PRIM2: variants seen among roughly 807,000 people sequenced by gnomAD.
PRIM2 encodes the protein DNA primase subunit 2.
PRIM2 carries 39 observed loss-of-function variants against 67.3 expected under a neutral mutation model. That is an observed-to-expected ratio of 0.58 (90% CI 0.45 to 0.76). The LOEUF (loss-of-function observed/expected upper bound fraction) is 0.76. Among genes scored for constraint, PRIM2 ranks in the 30% least tolerant of loss-of-function variants. The probability of loss-of-function intolerance (pLI) is 0.00; values close to 1 mark genes in which losing one functional copy is unlikely to be tolerated. For missense variants in PRIM2, 398 were observed against 598.7 expected (o/e 0.66, Z 3.50); for synonymous variants, 143 against 198.7 (o/e 0.72, Z 2.36).
intron 7 of PRIM2, among the ~76,000 whole-genome samples, chr6:57,452,592 G>T (rs1415085400): frequency 0.033 from 5,045 of 152,282 alleles, 281 homozygotes; most frequent in African/African-American, 0.11. Flanking sequence ...CTTTTGAGAA[G>T]TGTCTGTTTA....
At chr6:57,393,568 G>T (rs1370175632) in intron 7 of PRIM2, among the ~76,000 whole-genome samples, 1 of 152,210 alleles carries the variant, frequency 6.6e-6, no homozygotes, top group African/African-American at 2.4e-5. Flanking sequence ...CTAGTCCTTT[G>T]TCAGATGTAT....
the PRIM2 span, among the ~76,000 whole-genome samples, chr6:57,273,512 C>G: frequency 2.6e-5 from 4 of 152,180 alleles, no homozygotes; most frequent in African/African-American, 9.7e-5. Context: ...ATTGGTTATT[C>G]TAGTTATGCA....
At position 57,472,393 on chromosome 6, in the gene PRIM2, CA is replaced by C. The variant is rs1281311931; in HGVS notation, c.694-34980del. 3.9e-3 allele frequency among the ~76,000 whole-genome samples: 525 copies of C among 135,942 alleles called. 5 individuals carry two copies. The highest frequency in any genetic ancestry group is 0.017 in the East Asian group (83 of 4,752). 89.2% of individuals were successfully genotyped at this position (135,942 alleles called of 152,430 possible). A position where few individuals can be genotyped will look rare whatever the true frequency, so the allele number is the denominator to read the frequency against. On this transcript the variant is annotated intron_variant, in intron 7 of 13. Transcript: ENST00000615550. ...TGCAGTGAACTGAGATTGCGTGTGT[CA>C]AAAAAAAAAAAAAGAAGAGAAAAGA...
chr6:57,559,665 A>G, intron 10 of PRIM2, among the ~76,000 whole-genome samples: 1 of 152,214 alleles, frequency 6.6e-6, no homozygotes, highest in Non-Finnish European at 1.5e-5. Context: ...CCTAGAAGAT[A>G]TTGCAGGTTT....
chr6:57,507,469 C>G lies in PRIM2; in HGVS notation c.761+15C>G, dbSNP rs1774273677. On this transcript the variant is annotated intron_variant, in intron 8 of 13. Transcript: ENST00000615550. ...AATCACCTCAGGTAATATAAGGGCA[C>G]AGCCTTGTTATGCTTATAAATCCAA... 9.5e-6 allele frequency: 14 copies of G among 1,477,686 alleles called. 1 individual carries two copies. Among genetic ancestry groups the G allele is most frequent in the Middle Eastern group, 3.5e-4 (2 of 5,796 alleles). 91.5% of individuals were successfully genotyped at this position (1,477,686 alleles called of 1,614,324 possible).
intron 10 of PRIM2, chr6:57,587,080 C>T (rs2127487035): frequency 6.6e-6 from 1 of 152,318 alleles, no homozygotes; most frequent in African/African-American, 2.4e-5. Flanking sequence ...AGATATTGAA[C>T]ACACAGAATA....
chr6:57,288,927 G>A, the PRIM2 span, among the ~76,000 whole-genome samples: 1 of 152,144 alleles, frequency 6.6e-6, no homozygotes, highest in African/African-American at 2.4e-5. Context: ...TCGCCAGCAA[G>A]GGAACAAAAC....
intron 10 of PRIM2, among the ~76,000 whole-genome samples, chr6:57,558,454 A>T (rs1775561186): frequency 6.6e-6 from 1 of 152,278 alleles, no homozygotes; most frequent in South Asian, 2.1e-4. Flanking sequence ...TGAAGTATTC[A>T]TATAAAGGTT....
chr6:57,320,272 C>T (rs886631022), intron 2 of PRIM2, among the ~76,000 whole-genome samples, 185 bp from the exon 3 acceptor site: 1 of 152,112 alleles, frequency 6.6e-6, no homozygotes, highest in African/African-American at 2.4e-5. Context: ...ATATTTTCTG[C>T]ACATAGATGG....
At chr6:57,341,836 A>G (rs1768502739) in intron 5 of PRIM2, among the ~76,000 whole-genome samples, 1 of 152,182 alleles carries the variant, frequency 6.6e-6, no homozygotes. Flanking sequence ...AACAGCAGGG[A>G]GTGGGCAGCC....
chr6:57,441,033 AC>A (rs1294794391), intron 7 of PRIM2, among the ~76,000 whole-genome samples: 1 of 152,168 alleles, frequency 6.6e-6, no homozygotes, highest in African/African-American at 2.4e-5. Context: ...ACTATAGGTT[AC>A]TATTTATTGC....
chr6:57,447,969 T>C (rs1329023709), intron 7 of PRIM2, among the ~76,000 whole-genome samples: 1 of 152,188 alleles, frequency 6.6e-6, no homozygotes, highest in Non-Finnish European at 1.5e-5. Flanking sequence ...AAGAGTAAAT[T>C]TGAGGGTAGT....
chr6:57,475,753 T>G (rs1773462689), intron 7 of PRIM2, among the ~76,000 whole-genome samples: 1 of 152,252 alleles, frequency 6.6e-6, no homozygotes, highest in African/African-American at 2.4e-5. Context: ...AACTATTCAT[T>G]CTTTTGCACA....
intron 13 of PRIM2, among the ~76,000 whole-genome samples, chr6:57,644,696 A>G (rs1430661379): frequency 1.3e-5 from 2 of 152,230 alleles, no homozygotes; most frequent in African/African-American, 2.4e-5. Context: ...ACGTAAAAGG[A>G]TTAGTTAATA....
intron 10 of PRIM2, among the ~76,000 whole-genome samples, chr6:57,575,163 T>A (rs1743526228): frequency 6.6e-6 from 1 of 152,080 alleles, no homozygotes; most frequent in African/African-American, 2.4e-5. Context: ...ACACTTAGAT[T>A]TTCTTCCTGC....
At chr6:57,256,356 A>G in the PRIM2 span, among the ~76,000 whole-genome samples, 1 of 152,138 alleles carries the variant, frequency 6.6e-6, no homozygotes, top group African/African-American at 2.4e-5. Flanking sequence ...TCATTTTGCA[A>G]TTGGGAATAG....
chr6:57,339,851 C>A lies in PRIM2; in HGVS notation c.459+13806C>A, dbSNP rs530640659. Among the ~76,000 whole-genome samples the A allele has an allele frequency of 7.2e-5, 11 of 152,070 alleles. No homozygotes were observed. In the East Asian group the frequency reaches 9.7e-4, roughly 13 times the overall value. On this transcript the variant is annotated intron_variant, in intron 5 of 13. Coordinates refer to ENST00000615550, the MANE Select transcript of PRIM2 (RefSeq NM_000947.5). ...CAATGGCAACAAAAGCCAAAATTGA[C>A]AAATGGGATCTAATTAAACTAAAGA... is the stretch of plus-strand genomic sequence containing the variant.
At chr6:57,254,207 T>C in the PRIM2 span, among the ~76,000 whole-genome samples, 118 of 152,360 alleles carry the variant, frequency 7.7e-4, no homozygotes, top group Admixed American at 2.9e-3. Context: ...ATCATTGTTC[T>C]ACCTCATTAC....
intron 5 of PRIM2, among the ~76,000 whole-genome samples, chr6:57,337,051 G>T (rs1422484536): frequency 1.3e-5 from 2 of 152,068 alleles, no homozygotes; most frequent in Admixed American, 1.3e-4. Context: ...AAAGGCAGGG[G>T]TTGCAATCCT....
Sources: allele counts gnomAD v4.1 joint callset (sites outside exome capture counted in the v4.1 genomes callset), GRCh38; gene constraint gnomAD v4.1.1; transcripts MANE v1.5; gene names NCBI Gene and HGNC (gene_info 2026-07-23, HGNC 2026-07-21).